ADAMTS15: variants seen among roughly 807,000 people sequenced by gnomAD.
The protein encoded by ADAMTS15 is ADAM metallopeptidase with thrombospondin type 1 motif 15, also known as A disintegrin and metalloproteinase with thrombospondin motifs 15.
A neutral mutation model predicts 79.1 loss-of-function variants in ADAMTS15; 35 were observed. The observed-to-expected ratio is 0.44, with a 90% CI of 0.34 to 0.59. The LOEUF (loss-of-function observed/expected upper bound fraction) is 0.59. Among genes scored for constraint, ADAMTS15 ranks in the 20% least tolerant of loss-of-function variants. The pLI is 0.02. For missense variants in ADAMTS15, 1,324 were observed against 1,318.7 expected (o/e 1.00, Z -0.06); for synonymous variants, 616 against 567.3 (o/e 1.09, Z -1.22).
intron 1 of ADAMTS15, among the ~76,000 whole-genome samples, chr11:130,460,460 A>G (rs1005034369): frequency 6.6e-6 from 1 of 152,056 alleles, no homozygotes; most frequent in Non-Finnish European, 1.5e-5. Context: ...TATTTGTAGT[A>G]GAGATGGGGT....
At chr11:130,455,575 C>T (rs1317792723) in intron 1 of ADAMTS15, among the ~76,000 whole-genome samples, 1 of 152,210 alleles carries the variant, frequency 6.6e-6, no homozygotes, top group Non-Finnish European at 1.5e-5. Flanking sequence ...AGCTCACCTC[C>T]CTTCCTGGGG....
intron 1 of ADAMTS15, chr11:130,450,328 T>C (rs1937938576): frequency 1.0e-6 from 1 of 985,302 alleles, no homozygotes; most frequent in African/African-American, 1.7e-5. Context: ...TATGGGCGGC[T>C]GAGTCTTCTC....
intron 1 of ADAMTS15, among the ~76,000 whole-genome samples, chr11:130,453,997 A>T (rs1254906011): frequency 6.6e-6 from 1 of 152,120 alleles, no homozygotes; most frequent in Non-Finnish European, 1.5e-5. Context: ...TTTTTTGGAG[A>T]CGAGGTCTTG....
rs926417554 is a variant in ADAMTS15 at position 130,462,939 on chromosome 11, A to T, written c.1542+159A>T. On this transcript the variant is annotated intron_variant, in intron 4 of 7. Coordinates refer to ENST00000299164, the MANE Select transcript of ADAMTS15 (RefSeq NM_139055.4). The surrounding 1 kb of genome is among the most constrained non-coding windows in gnomAD (Gnocchi z 4.3). The stretch of plus-strand genomic sequence containing the variant: ...CTGAGCTGTGCCTTCACTGCCCTGT[A>T]TATAGTCCTATCCCCTTCTTGACTC... 1.3e-5 allele frequency among the ~76,000 whole-genome samples: 2 copies of T among 152,208 alleles called. No individual in the cohort carries two copies. The highest frequency in any genetic ancestry group is 4.8e-5 in the African/African-American group (2 of 41,416).
chr11:130,470,886 C>T, intron 5 of ADAMTS15, 34 bp from the exon 6 acceptor site: 1 of 1,598,588 alleles, frequency 6.3e-7, no homozygotes, highest in Non-Finnish European at 8.5e-7. Flanking sequence ...TGTCCCTTCC[C>T]CTCAACTTCT....
rs2134713491 is a variant in ADAMTS15, at chr11:130,449,565, T to G, written c.592T>G (p.Phe198Val). ...CCCTTACAAGCCGCGGCGGGCGGGC[T>G]TCGGGGAGAGTCGTAGCCGGCGCAG... Reference protein sequence around the residue: ...LDPYKPRRAGFGESRSRRRSG... With the variant: ...LDPYKPRRAGVGESRSRRRSG... Residue 198 changes from phenylalanine (F) to valine (V), a missense_variant, in exon 1 of 8, where the codon TTC becomes GTC. Transcript: ENST00000299164. The surrounding 1 kb of genome is among the most constrained non-coding windows in gnomAD (Gnocchi z 7.8). 6.3e-7 allele frequency: 1 copy of G among 1,587,754 alleles called. No individual in the cohort carries two copies. Among genetic ancestry groups the G allele is most frequent in the Non-Finnish European group, 8.6e-7 (1 of 1,166,082 alleles).
chr11:130,458,957 C>T (rs935779493), intron 1 of ADAMTS15, among the ~76,000 whole-genome samples: 4 of 151,834 alleles, frequency 2.6e-5, no homozygotes, highest in Non-Finnish European at 5.9e-5. Flanking sequence ...ACAGTTCACA[C>T]GCTGATCCAT....
chr11:130,468,637 C>T (rs1280134750), intron 4 of ADAMTS15, among the ~76,000 whole-genome samples: 12 of 151,248 alleles, frequency 7.9e-5, no homozygotes, highest in East Asian at 3.9e-4. Flanking sequence ...TGGTGGCGGG[C>T]GCCTGTAATC....
chr11:130,449,642 G>A lies in ADAMTS15; in HGVS notation c.669G>A (p.Leu223=), dbSNP rs753245189. 6.2e-7 allele frequency: 1 copy of A among 1,600,226 alleles called. No individual in the cohort carries two copies. The highest frequency in any genetic ancestry group is 2.3e-5 in the East Asian group (1 of 44,238). ...CTATCCCGCGGTACGTGGAGACGCT[G>A]GTGGTCGCGGACGAGTCAATGGTCA... ...FVSIPRYVET[L]VVADESMVKF... Residue 223 remains leucine, a synonymous_variant, in exon 1 of 8, where the codon CTG becomes CTA. Transcript: ENST00000299164. This position sits in a 1 kb window ranked among gnomAD's most constrained non-coding sequence, Gnocchi z 7.8.
In ADAMTS15 at chr11:130,475,390, T is replaced by C. The variant is rs1453080387; in HGVS notation, c.*1569T>C. 6.6e-6 allele frequency: 1 copy of C among 152,102 alleles called. No individual in the cohort carries two copies. Among genetic ancestry groups the C allele is most frequent in the East Asian group, 1.9e-4 (1 of 5,196 alleles). The allele number at this position is 152,102 out of a possible 1,614,324, so 9.4% of individuals were successfully genotyped here. A position where few individuals can be genotyped will look rare whatever the true frequency, so the allele number is the denominator to read the frequency against. ...TCACAGCTTCTTTGGCTAAGCAGGG[T>C]GTTTCTTGAAGGTTCAGATGCCCCA... On this transcript the variant is annotated 3_prime_UTR_variant, in exon 8 of 8. Coordinates refer to ENST00000299164, the MANE Select transcript of ADAMTS15 (RefSeq NM_139055.4).
chr11:130,462,672 G>T lies in ADAMTS15; in HGVS notation c.1434G>T (p.Met478Ile). 1 of 1,613,510 alleles carries T rather than the reference G, an allele frequency of 6.2e-7. No homozygotes were observed. Among genetic ancestry groups the T allele is most frequent in the Non-Finnish European group, 8.5e-7 (1 of 1,179,554 alleles). The change falls in exon 4 of 8, where the codon ATG becomes ATT. Residue 478 changes from methionine to isoleucine, a missense_variant. By Grantham distance (10) the Met-to-Ile change is conservative. Transcript: ENST00000299164. This position sits in a 1 kb window ranked among gnomAD's most constrained non-coding sequence, Gnocchi z 4.3. The part of the protein sequence containing the change: ...LWCTGKAKGQ[M>I]VCQTRHFPWA... ...GCACCGGGAAGGCCAAGGGACAGAT[G>T]GTGTGCCAGACCCGCCACTTCCCCT...
chr11:130,473,480 A>T lies in ADAMTS15; in HGVS notation c.2512A>T (p.Arg838Trp). The change falls in exon 8 of 8, where the codon AGG becomes TGG. Residue 838 changes from arginine to tryptophan, a missense_variant. Arg to Trp is a moderately radical substitution (Grantham distance 101). Transcript: ENST00000299164. ...CAACCAGGTGGAGCAGCCGGACGAC[A>T]GGCCCCCTGCACGCTGGGTGGCTGG... ...LSNQVEQPDD[R>W]PPARWVAGSW... The T allele has an allele frequency of 1.2e-6, 2 of 1,611,760 alleles. No homozygotes were observed. The highest frequency in any genetic ancestry group is 1.7e-6 in the Non-Finnish European group (2 of 1,179,278).
At position 130,473,682 on chromosome 11, in the gene ADAMTS15, G is replaced by A; in HGVS notation, c.2714G>A (p.Cys905Tyr). ...TGGGAGCTCAGCGCCTGGTCACCCT[G>A]CTCCAAGAGCTGCGGCCGGGGATTT... ...PTWELSAWSPCSKSCGRGFQR... is the reference protein window; with the variant it reads ...PTWELSAWSPYSKSCGRGFQR... The change falls in exon 8 of 8, where the codon TGC becomes TAC. Residue 905 changes from cysteine to tyrosine, a missense_variant. By Grantham distance (194) the Cys-to-Tyr change is radical (BLOSUM62 -2). Coordinates refer to ENST00000299164, the MANE Select transcript of ADAMTS15 (RefSeq NM_139055.4). 1.2e-6 allele frequency: 2 copies of A among 1,603,716 alleles called. No homozygotes were observed. The highest frequency in any genetic ancestry group is 1.7e-6 in the Non-Finnish European group (2 of 1,179,882).
At chr11:130,464,482 C>A (rs549313756) in intron 4 of ADAMTS15, among the ~76,000 whole-genome samples, 4 of 152,202 alleles carry the variant, frequency 2.6e-5, no homozygotes, top group Non-Finnish European at 4.4e-5. Context: ...CCCATTCTGA[C>A]CACCAAGGCC....
chr11:130,473,078 G>A lies in ADAMTS15; in HGVS notation c.2110G>A (p.Ala704Thr), dbSNP rs760371321. Residue 704 changes from alanine (A) to threonine (T), a missense_variant, in exon 8 of 8, where the codon GCA (alanine) becomes ACA (threonine). Ala to Thr is a moderately conservative substitution (Grantham distance 58, BLOSUM62 0). Coordinates refer to ENST00000299164, the MANE Select transcript of ADAMTS15 (RefSeq NM_139055.4). Reference protein sequence around the residue: ...HGYNFVVAIPAGASSIDIRQR... With the variant: ...HGYNFVVAIPTGASSIDIRQR... ...CTACAATTTCGTGGTGGCCATCCCCGCAGGCGCCTCAAGCATCGACATCCG... is the reference window on the plus strand; with the variant it reads ...CTACAATTTCGTGGTGGCCATCCCCACAGGCGCCTCAAGCATCGACATCCG... 14 of 1,613,656 alleles carry A rather than the reference G, an allele frequency of 8.7e-6. No individual in the cohort carries two copies. The highest frequency in any genetic ancestry group is 1.6e-4 in the Middle Eastern group (1 of 6,080).
intron 4 of ADAMTS15, among the ~76,000 whole-genome samples, chr11:130,464,561 A>G (rs745803286): frequency 6.6e-6 from 1 of 152,070 alleles, no homozygotes; most frequent in African/African-American, 2.4e-5. Flanking sequence ...TGGGCCTACA[A>G]TCTATTGCTA....
intron 7 of ADAMTS15, 126 bp downstream of exon 7, chr11:130,471,509 G>A: frequency 9.5e-7 from 1 of 1,052,046 alleles, no homozygotes; most frequent in East Asian, 2.8e-5. Context: ...TGCTGCAGAG[G>A]CCACCCATAC....
intron 5 of ADAMTS15, 49 bp from the exon 6 acceptor site, chr11:130,470,871 G>A (rs779367675): frequency 5.1e-6 from 8 of 1,574,192 alleles, no homozygotes; most frequent in African/African-American, 1.3e-5. Flanking sequence ...CCTTTGCACC[G>A]GCCTTGTCCC....
chr11:130,470,119 C>CATATATATAT (rs1208986843), intron 5 of ADAMTS15, among the ~76,000 whole-genome samples: 2 of 64,018 alleles, frequency 3.1e-5, no homozygotes, highest in Non-Finnish European at 6.1e-5. Context: ...ATTACTGAAT[C>CATATATATAT]ATATATATAT....
Sources: allele counts gnomAD v4.1 joint callset (sites outside exome capture counted in the v4.1 genomes callset), GRCh38; gene constraint gnomAD v4.1.1; non-coding constraint Gnocchi (gnomAD v3.1); transcripts MANE v1.5; gene names NCBI Gene and HGNC (gene_info 2026-07-23, HGNC 2026-07-21).